SH3RF3: variants seen among roughly 807,000 people sequenced by gnomAD.
SH3RF3 encodes the protein SH3 domain containing ring finger 3.
A neutral mutation model predicts 66.3 loss-of-function variants in SH3RF3; 29 were observed. The ratio of observed to expected loss-of-function variants is 0.44; its 90% CI spans 0.33 to 0.60. SH3RF3 has a LOEUF of 0.60. Ranked by LOEUF, SH3RF3 falls within the 20% of genes least tolerant of loss-of-function variation. The probability of loss-of-function intolerance (pLI) is 0.04; values close to 1 mark genes in which losing one functional copy is unlikely to be tolerated. For missense variants in SH3RF3, 1,194 were observed against 1,190.9 expected (o/e 1.00, Z -0.04); for synonymous variants, 583 against 532.0 (o/e 1.10, Z -1.32).
At chr2:109,383,745 C>T (rs562195711) in intron 3 of SH3RF3, among the ~76,000 whole-genome samples, 17 of 152,308 alleles carry the variant, frequency 1.1e-4, no homozygotes, top group African/African-American at 3.1e-4. Flanking sequence ...CTTTTATAAA[C>T]GCCTCCCAAA....
rs528265457 is a variant in SH3RF3 at position 109,153,989 on chromosome 2, G to A, written c.573+23876G>A. On this transcript the variant is annotated intron_variant, in intron 1 of 9. Transcript: ENST00000309415. ...ACAGAGCATTAAGCCAAATTTGGGC[G>A]GCAGCCAAGTGACCTGGTCAGTGAT... Among the ~76,000 whole-genome samples, 9 of 152,316 alleles carry A rather than the reference G, an allele frequency of 5.9e-5. No individual in the cohort carries two copies. The South Asian group carries it at 1.0e-3, about 18-fold the overall frequency.
At chr2:109,256,252 G>A (rs190238656) in intron 1 of SH3RF3, among the ~76,000 whole-genome samples, 6 of 152,340 alleles carry the variant, frequency 3.9e-5, no homozygotes, top group Admixed American at 1.3e-4. Context: ...TGGACAGGTC[G>A]CGCATTGTTT....
At chr2:109,239,688 T>C (rs1292008449) in intron 1 of SH3RF3, among the ~76,000 whole-genome samples, 2 of 151,918 alleles carry the variant, frequency 1.3e-5, no homozygotes, top group Non-Finnish European at 2.9e-5. Flanking sequence ...GGTGGAGTAA[T>C]AGATTTTAGG....
chr2:109,480,134 A>G (rs1026995422), intron 8 of SH3RF3, among the ~76,000 whole-genome samples: 1 of 152,224 alleles, frequency 6.6e-6, no homozygotes, highest in South Asian at 2.1e-4. Flanking sequence ...TGAGAAAGCA[A>G]CACTTGCATA....
intron 1 of SH3RF3, among the ~76,000 whole-genome samples, chr2:109,238,216 A>G (rs1168201640): frequency 1.3e-5 from 2 of 152,132 alleles, no homozygotes; most frequent in African/African-American, 4.8e-5. Flanking sequence ...AAAATAATAA[A>G]ATAAAATGGT....
At chr2:109,384,310 C>T (rs1340437346) in intron 3 of SH3RF3, among the ~76,000 whole-genome samples, 1 of 152,190 alleles carries the variant, frequency 6.6e-6, no homozygotes, top group African/African-American at 2.4e-5. Context: ...ATTCTACTCT[C>T]CGTGGAGAAA....
At chr2:109,164,145 C>G (rs1488406370) in intron 1 of SH3RF3, among the ~76,000 whole-genome samples, 1 of 152,094 alleles carries the variant, frequency 6.6e-6, no homozygotes, top group African/African-American at 2.4e-5. Flanking sequence ...TATTTTTGGT[C>G]CAGGAAAACT....
intron 1 of SH3RF3, among the ~76,000 whole-genome samples, chr2:109,284,168 A>G (rs1437573349): frequency 2.0e-5 from 3 of 152,130 alleles, no homozygotes; most frequent in African/African-American, 7.2e-5. Flanking sequence ...GGGCGGTCCC[A>G]GGGGAAGGGG....
At chr2:109,237,945 G>T (rs565122143) in intron 1 of SH3RF3, among the ~76,000 whole-genome samples, 1 of 152,186 alleles carries the variant, frequency 6.6e-6, no homozygotes, top group Non-Finnish European at 1.5e-5. Flanking sequence ...AATTAAAATG[G>T]TTTTTATGAC....
chr2:109,433,658 G>A (rs934110729), intron 6 of SH3RF3, among the ~76,000 whole-genome samples: 5 of 152,196 alleles, frequency 3.3e-5, no homozygotes, highest in Admixed American at 2.0e-4. Context: ...GAGTGGTCTC[G>A]GGACACATGC....
chr2:109,366,903 T>A (rs1229608893), intron 2 of SH3RF3, among the ~76,000 whole-genome samples: 1 of 152,188 alleles, frequency 6.6e-6, no homozygotes, highest in Non-Finnish European at 1.5e-5. Flanking sequence ...GATTGCTTTG[T>A]GGAAGGTAAG....
chr2:109,454,201 C>G (rs1313565639), intron 8 of SH3RF3, among the ~76,000 whole-genome samples: 1 of 152,216 alleles, frequency 6.6e-6, no homozygotes, highest in Non-Finnish European at 1.5e-5. Context: ...ATACTTACAA[C>G]AATTACAATC....
intron 1 of SH3RF3, among the ~76,000 whole-genome samples, chr2:109,257,140 G>A (rs888840052): frequency 6.6e-6 from 1 of 152,210 alleles, no homozygotes; most frequent in South Asian, 2.1e-4. Flanking sequence ...CTCTGCAGCC[G>A]ACATTCACTC....
chr2:109,432,614 C>A lies in SH3RF3; in HGVS notation c.1517C>A (p.Ser506Tyr). ...KCQDGWFKGA[S>Y]LRTGVSGVFP... ...CAGGATGGCTGGTTCAAGGGGGCGTCTCTGAGGACCGGGGTCTCTGGGGTG... is the reference window on the plus strand; with the variant it reads ...CAGGATGGCTGGTTCAAGGGGGCGTATCTGAGGACCGGGGTCTCTGGGGTG... Residue 506 changes from serine to tyrosine, a missense_variant, in exon 6 of 10, where the codon TCT becomes TAT. Ser to Tyr is a moderately radical substitution (Grantham distance 144). Coordinates refer to ENST00000309415, the MANE Select transcript of SH3RF3 (RefSeq NM_001099289.3). 6.2e-7 allele frequency: 1 copy of A among 1,613,192 alleles called. No individual in the cohort carries two copies. Among genetic ancestry groups the A allele is most frequent in the South Asian group, 1.1e-5 (1 of 90,798 alleles).
chr2:109,273,412 C>T (rs1670002303), intron 1 of SH3RF3, among the ~76,000 whole-genome samples: 1 of 152,160 alleles, frequency 6.6e-6, no homozygotes, highest in African/African-American at 2.4e-5. Flanking sequence ...CAAGGGGACC[C>T]TGAGACCCAT....
intron 1 of SH3RF3, among the ~76,000 whole-genome samples, chr2:109,297,244 C>G (rs1008339703): frequency 3.9e-5 from 6 of 152,104 alleles, no homozygotes; most frequent in Admixed American, 1.3e-4. Context: ...TTGACACCAT[C>G]ATCATCATCG....
At chr2:109,177,481 G>A (rs1053908635) in intron 1 of SH3RF3, among the ~76,000 whole-genome samples, 4 of 152,078 alleles carry the variant, frequency 2.6e-5, no homozygotes, top group African/African-American at 9.7e-5. Flanking sequence ...TGGCAGCTCC[G>A]TGACTCCTTG....
At position 109,129,209 on chromosome 2, in the gene SH3RF3, A is replaced by G; in HGVS notation, c.-332A>G. On this transcript the variant is annotated 5_prime_UTR_variant, in exon 1 of 10. Coordinates refer to ENST00000309415, the MANE Select transcript of SH3RF3 (RefSeq NM_001099289.3). ...GCGCGAGCCGCCGCTTGCAGCACAG[A>G]ACCCGTTGAGCTTCGTGCCCGGCAG... The G allele has an allele frequency of 1.9e-6, 1 of 516,704 alleles. No homozygotes were observed. Among genetic ancestry groups the G allele is most frequent in the Admixed American group, 2.8e-5 (1 of 35,844 alleles). The allele number at this position is 516,704 out of a possible 1,614,324, so 32.0% of individuals were successfully genotyped here. A position where few individuals can be genotyped will look rare whatever the true frequency, so the allele number is the denominator to read the frequency against.
chr2:109,427,317 GCTAT>G (rs975795289), intron 5 of SH3RF3, among the ~76,000 whole-genome samples: 1 of 152,126 alleles, frequency 6.6e-6, no homozygotes, highest in African/African-American at 2.4e-5. Flanking sequence ...TAGACATAAT[GCTAT>G]CGCATACTTA....
Sources: allele counts gnomAD v4.1 joint callset (sites outside exome capture counted in the v4.1 genomes callset), GRCh38; gene constraint gnomAD v4.1.1; transcripts MANE v1.5; gene names NCBI Gene and HGNC (gene_info 2026-07-23, HGNC 2026-07-21).